Variants in PPP1R12B observed in about 807,000 individuals in gnomAD.
PPP1R12B encodes protein phosphatase 1 regulatory subunit 12B, also known as myosin phosphatase target subunit 2.
In PPP1R12B, 76 loss-of-function variants were observed where a neutral mutation model predicts 126.1. That is an observed-to-expected ratio of 0.60 (90% CI 0.50 to 0.73). PPP1R12B has a LOEUF of 0.73. Among genes scored for constraint, PPP1R12B ranks in the 30% least tolerant of loss-of-function variants. PPP1R12B has a pLI of 0.00. For missense variants in PPP1R12B, 1,052 were observed against 1,205.1 expected (o/e 0.87, Z 1.88); for synonymous variants, 356 against 434.7 (o/e 0.82, Z 2.25).
chr1:202,522,430 T>C (rs1403016988), intron 18 of PPP1R12B, among the ~76,000 whole-genome samples: 1 of 151,872 alleles, frequency 6.6e-6, no homozygotes, highest in East Asian at 1.9e-4. Flanking sequence ...AATATAAGGG[T>C]ATCCAGTATA....
Position 202,439,254 on chromosome 1 carries a change from G to A in PPP1R12B, c.1458+1230G>A, listed in dbSNP as rs1341875599. Reference sequence around the variant, plus strand: ...GCACCATCCAGACAATATCAAGGCTGTCCTCCACAGAGGCAAGATACTGGC... The same window carrying A: ...GCACCATCCAGACAATATCAAGGCTATCCTCCACAGAGGCAAGATACTGGC... On this transcript the variant is annotated intron_variant, in intron 10 of 23. Coordinates refer to ENST00000608999, the MANE Select transcript of PPP1R12B (RefSeq NM_002481.4). The A allele has an allele frequency of 3.3e-5, 45 of 1,382,914 alleles. No individual in the cohort carries two copies. In the East Asian group the frequency reaches 1.0e-3, roughly 31 times the overall value. The allele number at this position is 1,382,914 out of a possible 1,614,324, so 85.7% of individuals were successfully genotyped here.
At chr1:202,417,392 A>G (rs1423674944) in intron 2 of PPP1R12B, 13 of 985,324 alleles carry the variant, frequency 1.3e-5, no homozygotes, top group Non-Finnish European at 1.6e-5. Context: ...AACATGTGGA[A>G]CAAAGGAAAG....
At chr1:202,412,159 T>C (rs1318248560) in intron 1 of PPP1R12B, among the ~76,000 whole-genome samples, 1 of 152,178 alleles carries the variant, frequency 6.6e-6, no homozygotes, top group South Asian at 2.1e-4. Flanking sequence ...TCCCGTAAAA[T>C]TTTGTATCAA....
rs1010027033 is a variant in PPP1R12B at position 202,387,594 on chromosome 1, A to AT, written c.292-29182dup. On this transcript the variant is annotated intron_variant, in intron 1 of 23. Coordinates refer to ENST00000608999, the MANE Select transcript of PPP1R12B (RefSeq NM_002481.4). ...CATTTTAATGTTTCGATGGTACAAGATTTTTTTTTTTCCTGATTCCGGTAA... is the reference window on the plus strand; with the variant it reads ...CATTTTAATGTTTCGATGGTACAAGATTTTTTTTTTTTCCTGATTCCGGTAA... 6.2e-3 allele frequency among the ~76,000 whole-genome samples: 926 copies of AT among 148,510 alleles called. 5 individuals carry two copies. The highest frequency in any genetic ancestry group is 0.021 in the South Asian group (101 of 4,710).
intron 1 of PPP1R12B, among the ~76,000 whole-genome samples, chr1:202,409,618 C>CCAA (rs1667128139): frequency 6.6e-6 from 1 of 152,096 alleles, no homozygotes; most frequent in African/African-American, 2.4e-5. Flanking sequence ...CAACGCCCAG[C>CCAA]CAACACTTTT....
In PPP1R12B at chr1:202,590,361, A is replaced by G. The variant is rs890941264; in HGVS notation, c.*9801A>G. 1 of 150,616 alleles carries G rather than the reference A, an allele frequency of 6.6e-6. No homozygotes were observed. The highest frequency in any genetic ancestry group is 6.6e-5 in the Admixed American group (1 of 15,108). The allele number at this position is 150,616 out of a possible 1,614,324, so 9.3% of individuals were successfully genotyped here. On this transcript the variant is annotated 3_prime_UTR_variant, in exon 24 of 24. Transcript: ENST00000608999. ...ACAGCCTGGCATGTGTTCTCAGGAG[A>G]TGTGTGGGCCCCAGCACCCACCAGA...
chr1:202,408,083 C>T (rs1323468530), intron 1 of PPP1R12B, among the ~76,000 whole-genome samples: 1 of 152,010 alleles, frequency 6.6e-6, no homozygotes, highest in Non-Finnish European at 1.5e-5. Context: ...GAACTTGACC[C>T]TCAGTGGATT....
chr1:202,455,627 C>T (rs1056227821), intron 13 of PPP1R12B, among the ~76,000 whole-genome samples: 1 of 152,152 alleles, frequency 6.6e-6, no homozygotes, highest in African/African-American at 2.4e-5. Context: ...TCAATGGACA[C>T]TTGAGTTGTT....
At position 202,574,975 on chromosome 1, in the gene PPP1R12B, G is replaced by A. The variant is rs149465723; in HGVS notation, c.2863-5499G>A. 526 of 1,571,210 alleles carry A rather than the reference G, an allele frequency of 3.3e-4. 1 individual carries two copies. The Admixed American group carries it at 6.6e-3, about 20-fold the overall frequency. On this transcript the variant is annotated intron_variant, in intron 23 of 23. Transcript: ENST00000608999. The stretch of plus-strand genomic sequence containing the variant: ...TTGTCTCTCTCTGTCTTTTCTGTCT[G>A]TCCTTTTCATGTCTCAATCTCTACA...
At chr1:202,436,543 A>G (rs2741853) in intron 9 of PPP1R12B, among the ~76,000 whole-genome samples, 100,553 of 152,010 alleles carry the variant, frequency 0.66, 33,405 homozygotes, top group East Asian at 0.78. Context: ...AAAGGCTTAA[A>G]TCTTCTTGAA....
intron 8 of PPP1R12B, among the ~76,000 whole-genome samples, chr1:202,433,634 A>G (rs887409715): frequency 1.1e-4 from 16 of 152,322 alleles, no homozygotes; most frequent in African/African-American, 3.6e-4. Flanking sequence ...CTGCTTCTGA[A>G]CATTTGTACC....
rs769727161 is a variant in PPP1R12B at position 202,348,946 on chromosome 1, A to G, written c.95A>G (p.Glu32Gly). The change falls in exon 1 of 24, where the codon GAG becomes GGG. Residue 32 changes from glutamate to glycine, a missense_variant. Physicochemically the swap from Glu to Gly is moderately conservative, Grantham distance 98 (BLOSUM62 -2). Coordinates refer to ENST00000608999, the MANE Select transcript of PPP1R12B (RefSeq NM_002481.4). ...CGGCGCTGGCGGGGCTCGCTGACAGAGCAGGAGCCTGCGGAGCGACGAGGC... is the reference window on the plus strand; with the variant it reads ...CGGCGCTGGCGGGGCTCGCTGACAGGGCAGGAGCCTGCGGAGCGACGAGGC... ...QLRRWRGSLT[E>G]QEPAERRGAG... The G allele has an allele frequency of 1.7e-5, 27 of 1,603,810 alleles. No individual in the cohort carries two copies. The highest frequency in any genetic ancestry group is 2.2e-5 in the Non-Finnish European group (26 of 1,176,578).
intron 4 of PPP1R12B, 61 bp from the exon 5 acceptor site, chr1:202,426,979 T>A (rs1669609126): frequency 5.7e-6 from 9 of 1,571,214 alleles, no homozygotes; most frequent in Non-Finnish European, 6.9e-6. Flanking sequence ...GGTAATAGTG[T>A]ATTTGCCAGA....
chr1:202,422,059 C>A (rs189342949), intron 2 of PPP1R12B, among the ~76,000 whole-genome samples: 2 of 152,218 alleles, frequency 1.3e-5, no homozygotes, highest in African/African-American at 4.8e-5. Flanking sequence ...AATTATCAGA[C>A]CTTTCTTCTT....
At chr1:202,554,058 C>T (rs932218513) in intron 18 of PPP1R12B, among the ~76,000 whole-genome samples, 3 of 152,162 alleles carry the variant, frequency 2.0e-5, no homozygotes, top group Non-Finnish European at 2.9e-5. Context: ...AATCCAGCCA[C>T]TCTGCTTCTT....
At chr1:202,402,885 T>C (rs1425239103) in intron 1 of PPP1R12B, among the ~76,000 whole-genome samples, 2 of 152,254 alleles carry the variant, frequency 1.3e-5, no homozygotes, top group African/African-American at 4.8e-5. Flanking sequence ...AAGAGGTATT[T>C]AACTCTAGTT....
chr1:202,455,215 G>T (rs904577961), intron 13 of PPP1R12B, among the ~76,000 whole-genome samples: 30 of 152,160 alleles, frequency 2.0e-4, no homozygotes, highest in Admixed American at 4.6e-4. Context: ...TAGAGAGAGA[G>T]AGAGAGAATT....
At chr1:202,443,425 T>G (rs1671870994) in intron 12 of PPP1R12B, among the ~76,000 whole-genome samples, 1 of 152,240 alleles carries the variant, frequency 6.6e-6, no homozygotes, top group Admixed American at 6.5e-5. Flanking sequence ...ACACATTAAC[T>G]CTTTGGAATC....
At chr1:202,511,477 A>G (rs1276091502) in intron 18 of PPP1R12B, among the ~76,000 whole-genome samples, 6 of 152,048 alleles carry the variant, frequency 3.9e-5, no homozygotes, top group Non-Finnish European at 8.8e-5. Context: ...TCAGCCTCCC[A>G]AAGTGCTGGG....
Sources: allele counts gnomAD v4.1 joint callset (sites outside exome capture counted in the v4.1 genomes callset), GRCh38; gene constraint gnomAD v4.1.1; transcripts MANE v1.5; gene names NCBI Gene and HGNC (gene_info 2026-07-23, HGNC 2026-07-21).